EFCAB13: variants seen among roughly 807,000 people sequenced by gnomAD.
EFCAB13 encodes the protein EF-hand calcium binding domain 13, also known as EF-hand calcium-binding domain-containing protein 13.
Under a neutral mutation model 110.2 loss-of-function variants are expected in EFCAB13, and 91 were observed. That is an observed-to-expected ratio of 0.83 (90% CI 0.70 to 0.98). EFCAB13 has a LOEUF of 0.98. Among genes scored for constraint, EFCAB13 ranks in the 50% least tolerant of loss-of-function variants. EFCAB13 has a pLI of 0.00. For synonymous variants in EFCAB13, 323 were observed against 369.9 expected, an observed-to-expected ratio of 0.87 and a Z score of 1.45; for missense variants, 968 against 1,119.4, an observed-to-expected ratio of 0.86 and a Z score of 1.93.
intron 10 of EFCAB13, among the ~76,000 whole-genome samples, chr17:47,365,064 G>C (rs2065538412): frequency 6.6e-6 from 1 of 152,186 alleles, no homozygotes; most frequent in Non-Finnish European, 1.5e-5. Flanking sequence ...GAGTAGGTCA[G>C]ATTCTCATGT....
Position 47,342,006 on chromosome 17 carries a change from G to A in EFCAB13, c.277G>A (p.Val93Ile), listed in dbSNP as rs777824600. Residue 93 changes from valine (V) to isoleucine (I), a missense_variant, in exon 6 of 25, where the codon GTA becomes ATA. Physicochemically the swap from Val to Ile is conservative, Grantham distance 29. Transcript: ENST00000331493. ...EKKVGRKSLQVQQHSKRTEII... is the reference protein window; with the variant it reads ...EKKVGRKSLQIQQHSKRTEII... ...AAAAGTTGGGAGAAAGAGTTTACAA[G>A]TACAACAGCACAGTAAAAGAACTGA... 25 of 1,595,652 alleles carry A rather than the reference G, an allele frequency of 1.6e-5. No individual in the cohort carries two copies. The highest frequency in any genetic ancestry group is 1.9e-5 in the Non-Finnish European group (22 of 1,171,288).
chr17:47,338,243 G>GTTTTTTT (rs11334311), intron 5 of EFCAB13, among the ~76,000 whole-genome samples: 2 of 137,794 alleles, frequency 1.5e-5, no homozygotes, highest in African/African-American at 2.7e-5. Context: ...GTCACTACTA[G>GTTTTTTT]TTTTTTTTTT....
intron 9 of EFCAB13, among the ~76,000 whole-genome samples, chr17:47,352,697 TAA>T (rs1478148439): frequency 1.3e-5 from 2 of 152,202 alleles, no homozygotes; most frequent in Non-Finnish European, 2.9e-5. Context: ...TTAATGATAT[TAA>T]GTTTTTGATC....
chr17:47,347,447 T>A (rs750928666), intron 8 of EFCAB13, among the ~76,000 whole-genome samples: 4 of 151,962 alleles, frequency 2.6e-5, no homozygotes, highest in Non-Finnish European at 5.9e-5. Context: ...AAGCTGACAG[T>A]TTAGTGAGGG....
intron 22 of EFCAB13, among the ~76,000 whole-genome samples, chr17:47,414,497 A>G (rs1904362581): frequency 6.7e-6 from 1 of 149,550 alleles, no homozygotes; most frequent in African/African-American, 2.5e-5. Context: ...TGGGCAACAG[A>G]GCGAGACTCC....
At chr17:47,379,639 G>A (rs117092090) in intron 14 of EFCAB13, among the ~76,000 whole-genome samples, 6,364 of 151,652 alleles carry the variant, frequency 0.042, 189 homozygotes, top group Middle Eastern at 0.15. Flanking sequence ...TTTAAAAACA[G>A]CTTTATCAAG....
intron 13 of EFCAB13, among the ~76,000 whole-genome samples, chr17:47,378,886 A>G (rs2065630843): frequency 6.6e-6 from 1 of 152,108 alleles, no homozygotes; most frequent in South Asian, 2.1e-4. Context: ...ATCTGTTAAG[A>G]AATTAGTATC....
intron 5 of EFCAB13, among the ~76,000 whole-genome samples, chr17:47,339,699 C>CAAAAAA (rs60578114): frequency 3.9e-5 from 3 of 77,360 alleles, no homozygotes; most frequent in South Asian, 4.2e-4. Flanking sequence ...GACTCCATCT[C>CAAAAAA]AAAAAAAAAA....
intron 23 of EFCAB13, among the ~76,000 whole-genome samples, chr17:47,419,866 T>TA (rs1400396973): frequency 7.9e-5 from 12 of 151,996 alleles, no homozygotes; most frequent in South Asian, 4.2e-4. Context: ...ATAATATTTT[T>TA]AAAAAAAACA....
rs968216036 is a variant in EFCAB13, at chr17:47,409,808, T to G, written c.2278+117T>G. Reference sequence around the variant, plus strand: ...CTGCTGACTTCAGCCAGATTACTATTTTTCCACAATAGTAATCTGATCATG... The same window carrying G: ...CTGCTGACTTCAGCCAGATTACTATGTTTCCACAATAGTAATCTGATCATG... On this transcript the variant is annotated intron_variant, in intron 21 of 24. Coordinates refer to ENST00000331493, the MANE Select transcript of EFCAB13 (RefSeq NM_152347.5). 61 of 773,968 alleles carry G rather than the reference T, an allele frequency of 7.9e-5. No individual in the cohort carries two copies. In the Admixed American group the frequency reaches 1.2e-3, roughly 16 times the overall value. The allele number at this position is 773,968 out of a possible 1,614,324, so 47.9% of individuals were successfully genotyped here.
At chr17:47,339,654 G>A (rs556060567) in intron 5 of EFCAB13, among the ~76,000 whole-genome samples, 6 of 145,062 alleles carry the variant, frequency 4.1e-5, no homozygotes, top group Admixed American at 7.2e-5. Flanking sequence ...TCTTGAGATC[G>A]TACCACTGTG....
chr17:47,392,657 T>C (rs979737722), intron 15 of EFCAB13, among the ~76,000 whole-genome samples: 1 of 152,130 alleles, frequency 6.6e-6, no homozygotes, highest in African/African-American at 2.4e-5. Flanking sequence ...AGAAGGACCA[T>C]TTAATAAATG....
At chr17:47,428,018 A>AT (rs914675295) in intron 23 of EFCAB13, among the ~76,000 whole-genome samples, 19 of 149,830 alleles carry the variant, frequency 1.3e-4, no homozygotes, top group East Asian at 3.9e-4. Flanking sequence ...AGGTACCTGA[A>AT]TTTTTTTTTT....
chr17:47,420,476 G>C (rs1189203447), intron 23 of EFCAB13, among the ~76,000 whole-genome samples: 4 of 136,200 alleles, frequency 2.9e-5, no homozygotes, highest in Non-Finnish European at 6.5e-5. Context: ...ATCTCTGCCC[G>C]GCCGCCATCC....
In EFCAB13 at chr17:47,361,482, G is replaced by A. The variant is rs2065512664; in HGVS notation, c.766G>A (p.Glu256Lys). The change falls in exon 10 of 25, where the codon GAA (glutamate) becomes AAA (lysine). Residue 256 changes from glutamate to lysine, a missense_variant. Physicochemically the swap from Glu to Lys is moderately conservative, Grantham distance 56. Coordinates refer to ENST00000331493, the MANE Select transcript of EFCAB13 (RefSeq NM_152347.5). ...TAGCATGGGTATCCCTATAAACCGT[G>A]AAATTTTAGAAGAAGTGACAAAACA... is the stretch of plus-strand genomic sequence containing the variant. ...LDSMGIPINREILEEVTKHTY... is the reference protein window; with the variant it reads ...LDSMGIPINRKILEEVTKHTY... 3 of 1,612,354 alleles carry A rather than the reference G, an allele frequency of 1.9e-6. No homozygotes were observed. The highest frequency in any genetic ancestry group is 2.5e-6 in the Non-Finnish European group (3 of 1,178,906).
chr17:47,385,032 A>G (rs2065668847), intron 14 of EFCAB13, among the ~76,000 whole-genome samples: 1 of 152,142 alleles, frequency 6.6e-6, no homozygotes, highest in South Asian at 2.1e-4. Flanking sequence ...CGGGCTCCCA[A>G]AGTGCTGGAA....
chr17:47,373,273 T>C (rs116193258), intron 11 of EFCAB13, among the ~76,000 whole-genome samples: 140 of 152,322 alleles, frequency 9.2e-4, no homozygotes, highest in African/African-American at 3.2e-3. Flanking sequence ...TTATTTATTT[T>C]CTTTTGTGTA....
In EFCAB13 at chr17:47,391,878, G is replaced by C. The variant is rs1237300713; in HGVS notation, c.1726+298G>C. On this transcript the variant is annotated intron_variant, in intron 15 of 24. Coordinates refer to ENST00000331493, the MANE Select transcript of EFCAB13 (RefSeq NM_152347.5). ...TGCAGACAAAAAGAAAGCAGAATTT[G>C]TGGTATTGCTGTCTGACAAGGTAGA... Among the ~76,000 whole-genome samples the C allele has an allele frequency of 2.6e-5, 4 of 151,964 alleles. No homozygotes were observed. In the East Asian group the frequency reaches 7.7e-4, roughly 29 times the overall value.
chr17:47,333,161 A>G (rs958541361), intron 4 of EFCAB13, among the ~76,000 whole-genome samples: 2 of 152,124 alleles, frequency 1.3e-5, no homozygotes, highest in Non-Finnish European at 2.9e-5. Flanking sequence ...TCTCATTGCA[A>G]TTTTATTTTG....
Sources: allele counts gnomAD v4.1 joint callset (sites outside exome capture counted in the v4.1 genomes callset), GRCh38; gene constraint gnomAD v4.1.1; transcripts MANE v1.5; gene names NCBI Gene and HGNC (gene_info 2026-07-23, HGNC 2026-07-21).